SUPT3H: variants seen among roughly 807,000 people sequenced by gnomAD.
SUPT3H encodes the protein transcription initiation protein SPT3 homolog.
Under a neutral mutation model 44.3 loss-of-function variants are expected in SUPT3H, and 44 were observed. That is an observed-to-expected ratio of 0.99 (90% CI 0.78 to 1.28). SUPT3H has a LOEUF of 1.28. SUPT3H is among the 50% of genes most tolerant of loss of function. The pLI, the probability that SUPT3H is intolerant of heterozygous loss-of-function variation, is 0.00. For synonymous variants in SUPT3H, 124 were observed against 125.6 expected, an observed-to-expected ratio of 0.99 and a Z score of 0.09; for missense variants, 380 against 387.1, an observed-to-expected ratio of 0.98 and a Z score of 0.15.
intron 2 of SUPT3H, among the ~76,000 whole-genome samples, chr6:45,164,326 T>C (rs1345731276): frequency 6.6e-6 from 1 of 152,142 alleles, no homozygotes; most frequent in Non-Finnish European, 1.5e-5. Flanking sequence ...AGGATTAAGA[T>C]TATATAGCCT....
chr6:44,977,535 T>C (rs1023180730), intron 6 of SUPT3H, among the ~76,000 whole-genome samples: 17 of 152,266 alleles, frequency 1.1e-4, no homozygotes, highest in African/African-American at 4.1e-4. Flanking sequence ...CTGTATACTC[T>C]TCACCCCACC....
At chr6:45,092,711 T>C (rs1442965419) in intron 3 of SUPT3H, among the ~76,000 whole-genome samples, 1 of 141,214 alleles carries the variant, frequency 7.1e-6, no homozygotes, top group African/African-American at 2.7e-5. Context: ...GATTGTGCCA[T>C]CGCACTCCAG....
intron 3 of SUPT3H, among the ~76,000 whole-genome samples, chr6:45,052,864 T>G (rs557326111): frequency 1.3e-5 from 2 of 151,718 alleles, no homozygotes; most frequent in African/African-American, 4.8e-5. Context: ...TGAAAGAGGA[T>G]AAGGACATTT....
chr6:44,914,886 C>G (rs566877669), intron 10 of SUPT3H, among the ~76,000 whole-genome samples: 6 of 152,120 alleles, frequency 3.9e-5, no homozygotes, highest in African/African-American at 1.4e-4. Context: ...TCAGGAAATA[C>G]GATGTATCTT....
intron 3 of SUPT3H, among the ~76,000 whole-genome samples, chr6:45,081,893 G>T (rs546628441): frequency 6.6e-6 from 1 of 152,114 alleles, no homozygotes; most frequent in South Asian, 2.1e-4. Context: ...AAAATCAAGT[G>T]AACTTTCACT....
intron 6 of SUPT3H, among the ~76,000 whole-genome samples, chr6:44,982,760 T>G (rs1201098550): frequency 1.3e-5 from 2 of 152,188 alleles, no homozygotes; most frequent in Non-Finnish European, 2.9e-5. Flanking sequence ...AAAGACAGAC[T>G]ATGGCATTCG....
At chr6:44,844,749 G>C (rs1363189023) in intron 10 of SUPT3H, among the ~76,000 whole-genome samples, 1 of 152,166 alleles carries the variant, frequency 6.6e-6, no homozygotes, top group Non-Finnish European at 1.5e-5. Context: ...AGGGGTAGAG[G>C]ACTGACTATA....
At chr6:44,953,283 T>C in intron 9 of SUPT3H, 27 bp downstream of exon 9, 2 of 1,579,828 alleles carry the variant, frequency 1.3e-6, no homozygotes, top group Non-Finnish European at 8.7e-7. Flanking sequence ...TCACAAATGT[T>C]TTAAGACAGA....
chr6:44,926,473 A>T (rs1769537057), intron 10 of SUPT3H, among the ~76,000 whole-genome samples: 1 of 152,140 alleles, frequency 6.6e-6, no homozygotes, highest in Non-Finnish European at 1.5e-5. Context: ...TGTCTTAAAA[A>T]TTTTTTTAAT....
chr6:44,947,807 A>T (rs1773601140), intron 9 of SUPT3H, among the ~76,000 whole-genome samples: 1 of 152,204 alleles, frequency 6.6e-6, no homozygotes, highest in African/African-American at 2.4e-5. Flanking sequence ...TAAAAATTGG[A>T]TTTGGCTTCA....
At chr6:45,012,108 T>C (rs1251039188) in intron 5 of SUPT3H, among the ~76,000 whole-genome samples, 14 of 151,708 alleles carry the variant, frequency 9.2e-5, no homozygotes, top group South Asian at 4.2e-4. Context: ...TTTTTTTTTT[T>C]CCCACATTTT....
intron 6 of SUPT3H, among the ~76,000 whole-genome samples, chr6:44,966,963 G>C (rs770565493): frequency 2.8e-4 from 43 of 152,120 alleles, no homozygotes; most frequent in Non-Finnish European, 5.3e-4. Context: ...TCTTGTATCT[G>C]CAAGTCCAGT....
intron 3 of SUPT3H, among the ~76,000 whole-genome samples, chr6:45,047,936 T>C (rs2153534113): frequency 6.6e-6 from 1 of 151,436 alleles, no homozygotes; most frequent in African/African-American, 2.4e-5. Context: ...TTTTTTTTTT[T>C]ACACTGTCCT....
intron 3 of SUPT3H, among the ~76,000 whole-genome samples, chr6:45,051,038 C>T (rs1309814564): frequency 6.6e-6 from 1 of 152,092 alleles, no homozygotes; most frequent in African/African-American, 2.4e-5. Context: ...GGGCCTGCCG[C>T]CATGCCCAGC....
intron 2 of SUPT3H, among the ~76,000 whole-genome samples, chr6:45,229,711 A>G (rs1310397300): frequency 6.6e-6 from 1 of 152,166 alleles, no homozygotes; most frequent in Non-Finnish European, 1.5e-5. Flanking sequence ...TTATTAATAC[A>G]TAATAATTTA....
intron 2 of SUPT3H, among the ~76,000 whole-genome samples, chr6:45,171,787 G>A (rs921273388): frequency 5.1e-5 from 6 of 118,776 alleles, no homozygotes; most frequent in African/African-American, 6.7e-5. Flanking sequence ...GTGTGATCTC[G>A]GCTCACTGCA....
chr6:44,896,625 C>T (rs1764168748), intron 10 of SUPT3H, among the ~76,000 whole-genome samples: 1 of 152,188 alleles, frequency 6.6e-6, no homozygotes, highest in African/African-American at 2.4e-5. Context: ...CTGCAGACGT[C>T]AAACCAGGTC....
chr6:44,831,162 T>G (rs140681373), intron 10 of SUPT3H, among the ~76,000 whole-genome samples: 45 of 152,272 alleles, frequency 3.0e-4, no homozygotes, highest in African/African-American at 1.1e-3. Flanking sequence ...TGTCAGGCTT[T>G]GGCGCCCTGG....
chr6:45,063,441 G>A (rs1326970434), intron 3 of SUPT3H, among the ~76,000 whole-genome samples: 1 of 149,028 alleles, frequency 6.7e-6, no homozygotes, highest in Non-Finnish European at 1.5e-5. Flanking sequence ...CACCAGCAAC[G>A]GAACAAAGCT....
Sources: allele counts gnomAD v4.1 joint callset (sites outside exome capture counted in the v4.1 genomes callset), GRCh38; gene constraint gnomAD v4.1.1; transcripts MANE v1.5; gene names NCBI Gene and HGNC (gene_info 2026-07-23, HGNC 2026-07-21).